PSMB3: variants seen among roughly 807,000 people sequenced by gnomAD.
PSMB3 encodes proteasome 20S subunit beta 3.
In PSMB3, 5 loss-of-function variants were observed where a neutral mutation model predicts 23.3. The ratio of observed to expected loss-of-function variants is 0.21; its 90% CI spans 0.11 to 0.45. PSMB3 has a LOEUF of 0.45. Ranked by LOEUF, PSMB3 falls within the 20% of genes least tolerant of loss-of-function variation. The pLI is 0.99. For synonymous variants in PSMB3, 85 were observed against 99.8 expected, an observed-to-expected ratio of 0.85 and a Z score of 0.88; for missense variants, 192 against 277.9, an observed-to-expected ratio of 0.69 and a Z score of 2.20.
intron 5 of PSMB3, among the ~76,000 whole-genome samples, chr17:38,763,894 G>A (rs978883836): frequency 1.2e-4 from 18 of 152,128 alleles, no homozygotes; most frequent in Middle Eastern, 3.2e-3. Context: ...GTGGAAAGTC[G>A]GCCCAGGTCT....
intron 2 of PSMB3, among the ~76,000 whole-genome samples, chr17:38,754,312 A>G (rs1392073084): frequency 6.6e-6 from 1 of 152,114 alleles, no homozygotes; most frequent in Non-Finnish European, 1.5e-5. Flanking sequence ...TCTACTAAAA[A>G]TACAAAAATT....
At chr17:38,756,276 GC>G (rs1908190783) in intron 3 of PSMB3, among the ~76,000 whole-genome samples, 1 of 152,196 alleles carries the variant, frequency 6.6e-6, no homozygotes. Flanking sequence ...AGCCACTCTT[GC>G]CCTAGAGCTA....
chr17:38,756,948 A>G (rs1342491218), intron 3 of PSMB3, among the ~76,000 whole-genome samples: 1 of 149,048 alleles, frequency 6.7e-6, no homozygotes, highest in Non-Finnish European at 1.5e-5. Context: ...GCTCACTGCA[A>G]TCTCCACCTC....
At chr17:38,759,110 G>T (rs1908329411) in intron 3 of PSMB3, among the ~76,000 whole-genome samples, 1 of 152,170 alleles carries the variant, frequency 6.6e-6, no homozygotes. Context: ...CTCTTTTACT[G>T]ACTCTTTCTA....
intron 2 of PSMB3, among the ~76,000 whole-genome samples, chr17:38,754,926 C>T (rs1908089292): frequency 6.6e-6 from 1 of 152,106 alleles, no homozygotes; most frequent in Non-Finnish European, 1.5e-5. Flanking sequence ...CCTTTTTTCA[C>T]CAGAGCTGCC....
At chr17:38,758,673 G>A (rs568502613) in intron 3 of PSMB3, among the ~76,000 whole-genome samples, 19 of 152,266 alleles carry the variant, frequency 1.2e-4, no homozygotes, top group Admixed American at 3.9e-4. Context: ...GGTGGCTCAT[G>A]CCTGTAATCT....
chr17:38,760,822 T>TA (rs1908402869), intron 4 of PSMB3, among the ~76,000 whole-genome samples: 1 of 152,174 alleles, frequency 6.6e-6, no homozygotes, highest in Non-Finnish European at 1.5e-5. Context: ...AGACCACAGT[T>TA]AGATATTTGC....
rs35692048 is a variant in PSMB3, at chr17:38,755,003, C to CTTT, written c.189-868_189-866dup. 3.4e-4 allele frequency among the ~76,000 whole-genome samples: 49 copies of CTTT among 144,932 alleles called. 1 individual carries two copies. In the East Asian group the frequency reaches 9.7e-3, roughly 29 times the overall value. On this transcript the variant is annotated intron_variant, in intron 2 of 5. Coordinates refer to ENST00000619426, the MANE Select transcript of PSMB3 (RefSeq NM_002795.4). ...ATAGCACAGCAGTTGGTGCTGCCCC[C>CTTT]TTTTTTTTTTTTTTGTCACCCAGGC... is the stretch of plus-strand genomic sequence containing the variant.
intron 2 of PSMB3, among the ~76,000 whole-genome samples, chr17:38,755,682 A>ATGTGTGTGTGTG (rs67600372): frequency 5.1e-4 from 46 of 90,238 alleles, no homozygotes; most frequent in African/African-American, 6.3e-4. Flanking sequence ...ATATATATAT[A>ATGTGTGTGTGTG]TGTGTGTGTG....
Position 38,752,746 on chromosome 17 carries a change from TGA to T in PSMB3, c.-77_-76del. 1 of 1,550,492 alleles carries T rather than the reference TGA, an allele frequency of 6.4e-7. No individual in the cohort carries two copies. The highest frequency in any genetic ancestry group is 8.9e-7 in the Non-Finnish European group (1 of 1,122,042). On this transcript the variant is annotated 5_prime_UTR_variant, in exon 1 of 6. Transcript: ENST00000619426. The surrounding 1 kb of genome is among the most constrained non-coding windows in gnomAD (Gnocchi z 5.5). ...CTATCAGCCAATGAAGAGACAGCAG[TGA>T]GAGCGGTTGCGCAGTGAAGGCTAGA...
At chr17:38,761,127 A>C (rs1204358482) in intron 4 of PSMB3, among the ~76,000 whole-genome samples, 1 of 151,806 alleles carries the variant, frequency 6.6e-6, no homozygotes, top group African/African-American at 2.4e-5. Context: ...AGGCAAGCAG[A>C]TCACCTGAGG....
chr17:38,760,490 C>T lies in PSMB3; in HGVS notation c.356C>T (p.Pro119Leu). 1 of 1,614,256 alleles carries T rather than the reference C, an allele frequency of 6.2e-7. No individual in the cohort carries two copies. The highest frequency in any genetic ancestry group is 8.5e-7 in the Non-Finnish European group (1 of 1,180,046). ...IAGLDPKTFKPFICSLDLIGC... is the reference protein window; with the variant it reads ...IAGLDPKTFKLFICSLDLIGC... ...GGGTTGGACCCGAAGACCTTTAAGC[C>T]CTTCATTTGCTCTCTAGACCTCATC... The change falls in exon 4 of 6, where the codon CCC (proline) becomes CTC (leucine). Residue 119 changes from proline to leucine, a missense_variant. Transcript: ENST00000619426.
chr17:38,754,362 C>T (rs1908066582), intron 2 of PSMB3, among the ~76,000 whole-genome samples: 1 of 152,026 alleles, frequency 6.6e-6, no homozygotes. Flanking sequence ...CCCAGCTACT[C>T]GGGAGGCTGA....
Position 38,752,972 on chromosome 17 carries a change from A to C in PSMB3, c.3+143A>C. ...AGGGGAGCGGGCCCCGGTGAGGACC[A>C]AGAGGGTGAGTGCGGCTCATTGCCG... On this transcript the variant is annotated intron_variant, in intron 1 of 5. Coordinates refer to ENST00000619426, the MANE Select transcript of PSMB3 (RefSeq NM_002795.4). The surrounding 1 kb of genome is among the most constrained non-coding windows in gnomAD (Gnocchi z 5.5). 1.5e-6 allele frequency: 2 copies of C among 1,363,504 alleles called. No homozygotes were observed. Among genetic ancestry groups the C allele is most frequent in the African/African-American group, 2.9e-5 (2 of 69,550 alleles). 84.5% of individuals were successfully genotyped at this position (1,363,504 alleles called of 1,614,324 possible).
intron 5 of PSMB3, among the ~76,000 whole-genome samples, chr17:38,763,753 A>C (rs1323142691): frequency 1.3e-5 from 2 of 151,894 alleles, no homozygotes; most frequent in Non-Finnish European, 2.9e-5. Context: ...CGCCTGCCTC[A>C]GGCCTCCCAA....
At chr17:38,762,369 A>T (rs1005955679) in intron 4 of PSMB3, 42 bp from the exon 5 acceptor site, 4 of 1,557,908 alleles carry the variant, frequency 2.6e-6, no homozygotes, top group Non-Finnish European at 2.7e-6. Flanking sequence ...ACCAAATCAG[A>T]GCCAGAGGCT....
intron 3 of PSMB3, among the ~76,000 whole-genome samples, chr17:38,760,182 C>G (rs1419102475): frequency 6.6e-6 from 1 of 151,962 alleles, no homozygotes; most frequent in Non-Finnish European, 1.5e-5. Context: ...AGAAGGAGCA[C>G]AAGAGGGTCA....
chr17:38,755,676 A>ATGTG (rs1377200061), intron 2 of PSMB3, among the ~76,000 whole-genome samples: 1,583 of 107,630 alleles, frequency 0.015, 22 homozygotes, highest in South Asian at 0.025. Flanking sequence ...ATATATATAT[A>ATGTG]TATATATGTG....
intron 3 of PSMB3, among the ~76,000 whole-genome samples, chr17:38,757,412 G>A (rs1908250264): frequency 6.6e-6 from 1 of 151,830 alleles, no homozygotes; most frequent in African/African-American, 2.4e-5. Flanking sequence ...CCAGCCACTC[G>A]GGAAGCTGAA....
Sources: allele counts gnomAD v4.1 joint callset (sites outside exome capture counted in the v4.1 genomes callset), GRCh38; gene constraint gnomAD v4.1.1; non-coding constraint Gnocchi (gnomAD v3.1); transcripts MANE v1.5; gene names NCBI Gene and HGNC (gene_info 2026-07-23, HGNC 2026-07-21).